The following CDA variants were observed in gnomAD, a reference collection of about 807,000 sequenced individuals.
CDA encodes cytidine deaminase, also known as cytidine aminohydrolase.
A neutral mutation model predicts 15.0 loss-of-function variants in CDA; 7 were observed. That is an observed-to-expected ratio of 0.47 (90% CI 0.26 to 0.87). CDA has a LOEUF of 0.87. CDA is among the 40% of genes least tolerant of loss of function. The pLI is 0.15. For synonymous variants in CDA, 58 were observed against 73.0 expected (o/e 0.79, Z 1.05); for missense variants, 159 against 182.7 (o/e 0.87, Z 0.75).
At chr1:20,615,207 T>C (rs534082670) in intron 3 of CDA, among the ~76,000 whole-genome samples, 1 of 152,182 alleles carries the variant, frequency 6.6e-6, no homozygotes, top group African/African-American at 2.4e-5. Context: ...TTACATTATA[T>C]ATATTTTATC....
chr1:20,604,837 C>T, intron 1 of CDA, 91 bp from the exon 2 acceptor site: 1 of 859,564 alleles, frequency 1.2e-6, no homozygotes, highest in East Asian at 2.7e-5. Context: ...CCAGTTCCTT[C>T]CTGCTTTGGA....
At chr1:20,592,660 C>T (rs569777825) in intron 1 of CDA, among the ~76,000 whole-genome samples, 1 of 152,308 alleles carries the variant, frequency 6.6e-6, no homozygotes, top group African/African-American at 2.4e-5. Context: ...ACTTCCTGGC[C>T]TATCACTGGG....
chr1:20,605,128 T>A, intron 2 of CDA, 89 bp downstream of exon 2: 1 of 823,790 alleles, frequency 1.2e-6, no homozygotes, highest in Non-Finnish European at 2.0e-6. Context: ...TTCATTCATC[T>A]GACATATGTT....
chr1:20,605,093 C>A (rs2154532457), intron 2 of CDA, 54 bp downstream of exon 2: 1 of 1,005,524 alleles, frequency 9.9e-7, no homozygotes. Context: ...TAGCCAACAT[C>A]TTCCTTACAC....
At chr1:20,596,722 T>G (rs566657362) in intron 1 of CDA, among the ~76,000 whole-genome samples, 1 of 150,514 alleles carries the variant, frequency 6.6e-6, no homozygotes, top group Non-Finnish European at 1.5e-5. Context: ...TGGGCCCAAA[T>G]AGCCTCATTG....
intron 1 of CDA, among the ~76,000 whole-genome samples, chr1:20,600,800 G>A (rs2052636822): frequency 6.6e-6 from 1 of 151,778 alleles, no homozygotes; most frequent in Non-Finnish European, 1.5e-5. Context: ...GTCATTTCAG[G>A]TGAGGATCAG....
chr1:20,598,484 G>A (rs1246350224), intron 1 of CDA, among the ~76,000 whole-genome samples: 1 of 152,200 alleles, frequency 6.6e-6, no homozygotes, highest in Non-Finnish European at 1.5e-5. Flanking sequence ...TTACGTTACA[G>A]CAGCACAAAA....
chr1:20,618,041 T>C (rs2052833317), intron 3 of CDA, among the ~76,000 whole-genome samples: 1 of 152,044 alleles, frequency 6.6e-6, no homozygotes, highest in South Asian at 2.1e-4. Context: ...AGTATGTCTT[T>C]ATTAGCAGCT....
intron 3 of CDA, among the ~76,000 whole-genome samples, chr1:20,617,163 C>CAAG (rs2052820077): frequency 6.6e-6 from 1 of 152,114 alleles, no homozygotes; most frequent in Admixed American, 6.6e-5. Flanking sequence ...TTCCATGGAC[C>CAAG]AAGACACTGA....
intron 1 of CDA, among the ~76,000 whole-genome samples, chr1:20,602,875 C>G (rs751321802): frequency 1.2e-4 from 18 of 152,244 alleles, no homozygotes; most frequent in Admixed American, 4.6e-4. Flanking sequence ...AGCCTGCCAA[C>G]TCTGGCATTT....
chr1:20,614,039 C>A, intron 3 of CDA, 140 bp downstream of exon 3: 1 of 722,548 alleles, frequency 1.4e-6, no homozygotes, highest in South Asian at 1.5e-5. Context: ...TGGCTGACTT[C>A]TAAGGCCTCC....
At chr1:20,615,534 T>C (rs2052794302) in intron 3 of CDA, among the ~76,000 whole-genome samples, 1 of 151,202 alleles carries the variant, frequency 6.6e-6, no homozygotes, top group Non-Finnish European at 1.5e-5. Context: ...GTTTAGATCA[T>C]GGGTTCTTAA....
At chr1:20,604,673 C>G (rs924929262) in intron 1 of CDA, among the ~76,000 whole-genome samples, 1 of 152,166 alleles carries the variant, frequency 6.6e-6, no homozygotes, top group Non-Finnish European at 1.5e-5. Flanking sequence ...TGCTGCCCTG[C>G]TCCCAGGCTG....
At chr1:20,613,005 G>C (rs939078895) in intron 2 of CDA, among the ~76,000 whole-genome samples, 2 of 150,384 alleles carry the variant, frequency 1.3e-5, no homozygotes, top group Non-Finnish European at 2.9e-5. Context: ...CGTGACACCA[G>C]GCTGCTCTGA....
chr1:20,609,374 T>C (rs541811831), intron 2 of CDA, among the ~76,000 whole-genome samples: 1 of 152,242 alleles, frequency 6.6e-6, no homozygotes, highest in Non-Finnish European at 1.5e-5. Context: ...TAGTCCCAGC[T>C]ACTCAGGAGG....
intron 3 of CDA, among the ~76,000 whole-genome samples, chr1:20,616,804 C>T (rs1336752698): frequency 2.0e-5 from 3 of 152,130 alleles, no homozygotes; most frequent in African/African-American, 7.2e-5. Context: ...TACCCTTAGG[C>T]ACAGCCTGTC....
At chr1:20,601,328 T>C (rs1411613187) in intron 1 of CDA, among the ~76,000 whole-genome samples, 1 of 152,228 alleles carries the variant, frequency 6.6e-6, no homozygotes, top group Non-Finnish European at 1.5e-5. Flanking sequence ...TGTTCATCTT[T>C]ATGCCCATAG....
chr1:20,596,756 CTTT>C (rs61288769), intron 1 of CDA, among the ~76,000 whole-genome samples: 26,953 of 100,122 alleles, frequency 0.27, 2,435 homozygotes, highest in Middle Eastern at 0.34. Context: ...CTGTTGATGT[CTTT>C]TTTTTTTTTT....
At chr1:20,601,089 A>G (rs2052639552) in intron 1 of CDA, among the ~76,000 whole-genome samples, 2 of 152,118 alleles carry the variant, frequency 1.3e-5, no homozygotes, top group Non-Finnish European at 2.9e-5. Flanking sequence ...CTATAACTAA[A>G]CCGTGGGAAG....
Sources: allele counts gnomAD v4.1 joint callset (sites outside exome capture counted in the v4.1 genomes callset), GRCh38; gene constraint gnomAD v4.1.1; transcripts MANE v1.5; gene names NCBI Gene and HGNC (gene_info 2026-07-23, HGNC 2026-07-21).